The following TACR1 variants were observed in gnomAD, a reference collection of about 807,000 sequenced individuals.
TACR1 encodes substance-P receptor.
TACR1 carries 25 observed loss-of-function variants against 35.8 expected under a neutral mutation model. That is an observed-to-expected ratio of 0.70 (90% CI 0.51 to 0.98). TACR1 has a LOEUF of 0.98. TACR1 is among the 50% of genes least tolerant of loss of function. TACR1 has a pLI of 0.00. For synonymous variants in TACR1, 195 were observed against 206.7 expected, an observed-to-expected ratio of 0.94 and a Z score of 0.48; for missense variants, 478 against 522.9, an observed-to-expected ratio of 0.91 and a Z score of 0.84.
intron 1 of TACR1, among the ~76,000 whole-genome samples, chr2:75,136,817 A>G (rs1674302160): frequency 6.6e-6 from 1 of 152,216 alleles, no homozygotes; most frequent in Non-Finnish European, 1.5e-5. Context: ...AAACATAGGA[A>G]GAAAGGCAAC....
At position 75,058,776 on chromosome 2, in the gene TACR1, G is replaced by T. The variant is rs145846013; in HGVS notation, c.585-5021C>A. ...AGACCATGTAGCCTCAAATCCTGCA[G>T]ATTCCCTTGTCCTTAATGCCACAAT... is the stretch of plus-strand genomic sequence containing the variant. On this transcript the variant is annotated intron_variant, in intron 2 of 4. Transcript: ENST00000305249. 1.6e-3 allele frequency among the ~76,000 whole-genome samples: 249 copies of T among 152,346 alleles called. 1 individual carries two copies. Among genetic ancestry groups the T allele is most frequent in the African/African-American group, 5.6e-3 (233 of 41,586 alleles).
At chr2:75,068,464 A>G (rs1476961146) in intron 2 of TACR1, among the ~76,000 whole-genome samples, 2 of 152,218 alleles carry the variant, frequency 1.3e-5, no homozygotes, top group African/African-American at 2.4e-5. Flanking sequence ...ATAAGGGCAC[A>G]GCTGGATGGA....
At chr2:75,116,683 C>T (rs1475623686) in intron 2 of TACR1, among the ~76,000 whole-genome samples, 4 of 151,984 alleles carry the variant, frequency 2.6e-5, no homozygotes, top group South Asian at 2.1e-4. Flanking sequence ...GCAAGGCCGG[C>T]GGATCACCTG....
intron 2 of TACR1, among the ~76,000 whole-genome samples, chr2:75,101,812 G>A (rs1368520591): frequency 6.6e-6 from 1 of 152,060 alleles, no homozygotes; most frequent in Non-Finnish European, 1.5e-5. Flanking sequence ...GCTGGCCATG[G>A]TAGCACATGC....
chr2:75,150,336 C>G (rs2103963829), intron 1 of TACR1, among the ~76,000 whole-genome samples: 1 of 152,274 alleles, frequency 6.6e-6, no homozygotes, highest in East Asian at 1.9e-4. Flanking sequence ...GCTGTGTCCC[C>G]ACGCAAATCT....
At chr2:75,093,483 G>A (rs985621202) in intron 2 of TACR1, among the ~76,000 whole-genome samples, 5 of 152,152 alleles carry the variant, frequency 3.3e-5, no homozygotes, top group Admixed American at 1.3e-4. Context: ...ACTCCAGGCT[G>A]CACAGGTTAT....
chr2:75,142,863 G>A (rs1674437128), intron 1 of TACR1, among the ~76,000 whole-genome samples: 1 of 152,176 alleles, frequency 6.6e-6, no homozygotes. Flanking sequence ...ATCTTCCAGA[G>A]CCATTATCTA....
At chr2:75,182,166 G>C (rs1439203975) in intron 1 of TACR1, among the ~76,000 whole-genome samples, 1 of 152,220 alleles carries the variant, frequency 6.6e-6, no homozygotes, top group Non-Finnish European at 1.5e-5. Context: ...CAGCAAGAAA[G>C]GGGAAAGCTA....
At chr2:75,145,041 C>T (rs17010822) in intron 1 of TACR1, among the ~76,000 whole-genome samples, 11,386 of 151,912 alleles carry the variant, frequency 0.075, 888 homozygotes, top group African/African-American at 0.2. Flanking sequence ...ACAGCCTGAG[C>T]GGAATAAGAT....
At chr2:75,108,878 C>T (rs1333097169) in intron 2 of TACR1, among the ~76,000 whole-genome samples, 1 of 152,092 alleles carries the variant, frequency 6.6e-6, no homozygotes, top group African/African-American at 2.4e-5. Flanking sequence ...CAAATTTAAG[C>T]TCCATGTAGT....
intron 2 of TACR1, among the ~76,000 whole-genome samples, chr2:75,117,133 T>TTG (rs3079167): frequency 0.02 from 2,925 of 148,834 alleles, 39 homozygotes; most frequent in South Asian, 0.041. Flanking sequence ...ACTTTGTGGA[T>TTG]TGTGTGTGTG....
chr2:75,067,781 A>G (rs73937714), intron 2 of TACR1, among the ~76,000 whole-genome samples: 2,940 of 152,270 alleles, frequency 0.019, 89 homozygotes, highest in African/African-American at 0.067. Context: ...ACATTGGAGA[A>G]GCTAACAGAA....
intron 1 of TACR1, among the ~76,000 whole-genome samples, chr2:75,194,205 G>A (rs1675913870): frequency 6.6e-6 from 1 of 152,120 alleles, no homozygotes; most frequent in Non-Finnish European, 1.5e-5. Context: ...CAGAGAGGAG[G>A]TGGGCATTGG....
At chr2:75,126,050 T>C (rs956281494) in intron 1 of TACR1, among the ~76,000 whole-genome samples, 2 of 152,160 alleles carry the variant, frequency 1.3e-5, no homozygotes, top group African/African-American at 4.8e-5. Flanking sequence ...CCAATAGTTA[T>C]TTTTTCTGCT....
intron 2 of TACR1, among the ~76,000 whole-genome samples, chr2:75,105,782 T>C (rs960165123): frequency 6.6e-6 from 1 of 151,862 alleles, no homozygotes. Flanking sequence ...ATATTACCCC[T>C]GTGTAATCAT....
intron 1 of TACR1, among the ~76,000 whole-genome samples, chr2:75,127,102 A>C (rs7563469): frequency 0.1 from 15,389 of 152,232 alleles, 1,788 homozygotes; most frequent in African/African-American, 0.28. Flanking sequence ...CTTCTGAACA[A>C]ATTGCTCCAT....
intron 1 of TACR1, chr2:75,156,129 A>T (rs534575040): frequency 6.6e-6 from 1 of 152,348 alleles, no homozygotes; most frequent in East Asian, 1.9e-4. Context: ...GAATAGTGTG[A>T]CAAATATCAT....
Position 75,198,794 on chromosome 2 carries a change from C to A in TACR1, c.141G>T (p.Val47=). The A allele has an allele frequency of 1.2e-6, 2 of 1,614,152 alleles. No individual in the cohort carries two copies. The highest frequency in any genetic ancestry group is 1.7e-6 in the Non-Finnish European group (2 of 1,180,034). Residue 47 remains valine, a synonymous_variant, in exon 1 of 5, where the codon GTG becomes GTT. Coordinates refer to ENST00000305249, the MANE Select transcript of TACR1 (RefSeq NM_001058.4). ...AAYTVIVVTS[V]VGNVVVMWII... Reference sequence around the variant, plus strand: ...TCCACATCACTACCACGTTGCCCACCACAGAGGTCACCACAATGACCGTGT... The same window carrying A: ...TCCACATCACTACCACGTTGCCCACAACAGAGGTCACCACAATGACCGTGT...
At chr2:75,150,728 C>T (rs1398086088) in intron 1 of TACR1, among the ~76,000 whole-genome samples, 3 of 152,098 alleles carry the variant, frequency 2.0e-5, no homozygotes, top group African/African-American at 4.8e-5. Flanking sequence ...AATGTGGAAG[C>T]GACTTTGGAA....
Sources: allele counts gnomAD v4.1 joint callset (sites outside exome capture counted in the v4.1 genomes callset), GRCh38; gene constraint gnomAD v4.1.1; transcripts MANE v1.5; gene names NCBI Gene and HGNC (gene_info 2026-07-23, HGNC 2026-07-21).